Variants in CACNA1D observed in about 807,000 individuals in gnomAD.
CACNA1D encodes calcium voltage-gated channel subunit alpha1 D, also known as voltage-dependent L-type calcium channel subunit alpha-1D.
In CACNA1D, 55 loss-of-function variants were observed where a neutral mutation model predicts 257.1. That is an observed-to-expected ratio of 0.21 (90% CI 0.17 to 0.27). The LOEUF (loss-of-function observed/expected upper bound fraction) is 0.27, where lower values mean the gene tolerates loss of function less well. CACNA1D is among the 10% of genes least tolerant of loss of function. The pLI is 1.00. For synonymous variants in CACNA1D, 980 were observed against 1,014.9 expected (o/e 0.97, Z 0.65); for missense variants, 1,876 against 2,784.0 (o/e 0.67, Z 7.34).
intron 8 of CACNA1D, among the ~76,000 whole-genome samples, chr3:53,692,650 A>G (rs982485000): frequency 2.6e-5 from 4 of 152,208 alleles, no homozygotes; most frequent in Admixed American, 6.5e-5. Context: ...TTCATGGTGG[A>G]TAACTCAACC....
At chr3:53,694,841 C>T (rs888652342) in intron 8 of CACNA1D, among the ~76,000 whole-genome samples, 14 of 152,020 alleles carry the variant, frequency 9.2e-5, no homozygotes, top group African/African-American at 2.4e-4. Context: ...GGACCCTGGG[C>T]GATGCAGTCA....
chr3:53,589,491 C>T (rs1351949111), intron 3 of CACNA1D, among the ~76,000 whole-genome samples: 2 of 152,138 alleles, frequency 1.3e-5, no homozygotes, highest in Non-Finnish European at 2.9e-5. Context: ...TCGGCCTTGT[C>T]CTAGCTGGGT....
At chr3:53,628,028 T>A (rs958062647) in intron 3 of CACNA1D, among the ~76,000 whole-genome samples, 9 of 151,906 alleles carry the variant, frequency 5.9e-5, no homozygotes, top group African/African-American at 9.7e-5. Context: ...TCAAAAAAAA[T>A]AAATAAATAA....
chr3:53,787,597 G>T (rs529408670), intron 40 of CACNA1D, among the ~76,000 whole-genome samples: 1 of 152,272 alleles, frequency 6.6e-6, no homozygotes, highest in Non-Finnish European at 1.5e-5. Flanking sequence ...CAGGCTCCTA[G>T]AGTGTGGATG....
chr3:53,738,869 T>G (rs1006561075), intron 20 of CACNA1D, among the ~76,000 whole-genome samples: 1 of 151,644 alleles, frequency 6.6e-6, no homozygotes, highest in African/African-American at 2.4e-5. Context: ...TGCAGTGTCT[T>G]TCTGGGCTAC....
chr3:53,608,632 T>C (rs1238088037), intron 3 of CACNA1D, among the ~76,000 whole-genome samples: 1 of 152,226 alleles, frequency 6.6e-6, no homozygotes, highest in Non-Finnish European at 1.5e-5. Context: ...ATGTCCTTTA[T>C]TAGGTTGAAG....
At chr3:53,533,475 GTCT>G (rs1377608419) in intron 3 of CACNA1D, among the ~76,000 whole-genome samples, 1 of 152,160 alleles carries the variant, frequency 6.6e-6, no homozygotes, top group Non-Finnish European at 1.5e-5. Context: ...TCATTTTTCT[GTCT>G]TCTTCTGTGT....
intron 7 of CACNA1D, among the ~76,000 whole-genome samples, chr3:53,667,023 T>G (rs185041600): frequency 3.0e-4 from 45 of 152,302 alleles, no homozygotes; most frequent in African/African-American, 9.4e-4. Flanking sequence ...CAGTATAACC[T>G]TAAACCCAGT....
At chr3:53,537,731 G>C (rs1011979688) in intron 3 of CACNA1D, among the ~76,000 whole-genome samples, 2 of 152,014 alleles carry the variant, frequency 1.3e-5, no homozygotes, top group Non-Finnish European at 2.9e-5. Context: ...TAATCTGTCT[G>C]TTCCCTCTGT....
intron 4 of CACNA1D, 166 bp downstream of exon 4, chr3:53,651,084 G>C (rs1023657265): frequency 1.6e-6 from 1 of 643,954 alleles, no homozygotes; most frequent in South Asian, 1.8e-5. Context: ...TGATGCTGCT[G>C]TCAGTCTCTG....
At chr3:53,633,464 A>G (rs2093845856) in intron 3 of CACNA1D, among the ~76,000 whole-genome samples, 1 of 152,076 alleles carries the variant, frequency 6.6e-6, no homozygotes, top group Non-Finnish European at 1.5e-5. Flanking sequence ...AAACAAAAAC[A>G]AAAAGGCTGA....
chr3:53,734,888 A>G (rs2612032), intron 19 of CACNA1D, among the ~76,000 whole-genome samples: 133,695 of 152,274 alleles, frequency 0.88, 58,819 homozygotes, highest in East Asian at 1. Flanking sequence ...TGCACCTGCA[A>G]GACAAGCCTG....
At chr3:53,672,274 G>A (rs917922717) in intron 7 of CACNA1D, among the ~76,000 whole-genome samples, 3 of 152,180 alleles carry the variant, frequency 2.0e-5, no homozygotes, top group Non-Finnish European at 4.4e-5. Context: ...GGAGAATAAG[G>A]GCTGCTTCTC....
intron 3 of CACNA1D, among the ~76,000 whole-genome samples, chr3:53,522,990 C>T (rs547366315): frequency 2.0e-5 from 3 of 152,268 alleles, no homozygotes; most frequent in Admixed American, 1.3e-4. Context: ...TTTTTTAGTT[C>T]CCACATAAGA....
intron 7 of CACNA1D, among the ~76,000 whole-genome samples, chr3:53,671,814 A>G (rs1323539732): frequency 6.6e-6 from 1 of 152,218 alleles, no homozygotes; most frequent in Non-Finnish European, 1.5e-5. Flanking sequence ...CTGTAAAGTT[A>G]AAACCTGGAG....
chr3:53,804,426 C>T (rs991902285), intron 44 of CACNA1D, among the ~76,000 whole-genome samples: 15 of 152,186 alleles, frequency 9.9e-5, no homozygotes, highest in African/African-American at 3.6e-4. Flanking sequence ...GGCCTCATCC[C>T]CCCTGTCGAG....
intron 9 of CACNA1D, chr3:53,710,425 A>G (rs888355413): frequency 2.2e-6 from 1 of 456,620 alleles, no homozygotes; most frequent in African/African-American, 2.0e-5. Context: ...CTTAAAGAGG[A>G]TAAGAAGAAA....
chr3:53,742,413 G>T (rs1185193294), intron 21 of CACNA1D, among the ~76,000 whole-genome samples: 1 of 152,228 alleles, frequency 6.6e-6, no homozygotes, highest in East Asian at 1.9e-4. Context: ...GAGCCGTTGA[G>T]ACTGGCTCAG....
chr3:53,537,933 A>G (rs2092162030), intron 3 of CACNA1D, among the ~76,000 whole-genome samples: 1 of 152,118 alleles, frequency 6.6e-6, no homozygotes, highest in Non-Finnish European at 1.5e-5. Flanking sequence ...TAGCTAGGCT[A>G]CTTCACTGGT....
Sources: allele counts gnomAD v4.1 joint callset (sites outside exome capture counted in the v4.1 genomes callset), GRCh38; gene constraint gnomAD v4.1.1; transcripts MANE v1.5; gene names NCBI Gene and HGNC (gene_info 2026-07-23, HGNC 2026-07-21).